The following ADAMTSL1 variants were observed in gnomAD, a reference collection of about 807,000 sequenced individuals.
ADAMTSL1 encodes the protein ADAMTS-like protein 1.
ADAMTSL1 carries 126 observed loss-of-function variants against 201.8 expected under a neutral mutation model. That is an observed-to-expected ratio of 0.62 (90% CI 0.54 to 0.72). ADAMTSL1 has a LOEUF of 0.72. Among genes scored for constraint, ADAMTSL1 ranks in the 30% least tolerant of loss-of-function variants. The probability of loss-of-function intolerance (pLI) is 0.00; values close to 1 mark genes in which losing one functional copy is unlikely to be tolerated. For missense variants in ADAMTSL1, 2,679 were observed against 2,277.8 expected (o/e 1.18, Z -3.59); for synonymous variants, 1,121 against 903.4 (o/e 1.24, Z -4.32).
chr9:18,593,839 T>A (rs973750555), intron 4 of ADAMTSL1, among the ~76,000 whole-genome samples: 5 of 152,132 alleles, frequency 3.3e-5, no homozygotes, highest in African/African-American at 1.2e-4. Flanking sequence ...ATATGGGCTG[T>A]CCTTGAGAAT....
intron 23 of ADAMTSL1, among the ~76,000 whole-genome samples, chr9:18,877,350 G>A (rs1288579604): frequency 6.6e-6 from 1 of 152,112 alleles, no homozygotes; most frequent in Non-Finnish European, 1.5e-5. Flanking sequence ...CTTTTCATTT[G>A]GGTAGACTAT....
intron 1 of ADAMTSL1, among the ~76,000 whole-genome samples, chr9:18,009,537 T>C (rs1819967925): frequency 6.6e-6 from 1 of 152,072 alleles, no homozygotes; most frequent in African/African-American, 2.4e-5. Context: ...AGAGATTATT[T>C]ATGGTGAAGA....
chr9:18,588,785 C>T (rs1235879567), intron 4 of ADAMTSL1, among the ~76,000 whole-genome samples: 1 of 147,790 alleles, frequency 6.8e-6, no homozygotes, highest in African/African-American at 2.5e-5. Flanking sequence ...GGATTTATTT[C>T]TGGGTTCTCT....
chr9:18,854,162 A>G (rs1231050621), intron 23 of ADAMTSL1, among the ~76,000 whole-genome samples: 3 of 152,158 alleles, frequency 2.0e-5, no homozygotes, highest in African/African-American at 7.2e-5. Flanking sequence ...GAGAATCACT[A>G]TGCAGCTTCT....
intron 26 of ADAMTSL1, among the ~76,000 whole-genome samples, chr9:18,904,633 CAAAAAAAAAAAAAAAAAA>C (rs71333072): frequency 5.3e-4 from 8 of 15,006 alleles, no homozygotes; most frequent in East Asian, 2.9e-3. Context: ...GACCCTGCCT[CAAAAAAAAAAAAAAAAAA>C]AAAAAAAAAA....
rs1393886867 is a variant in ADAMTSL1, at chr9:18,910,404, A to T, written c.*1856A>T. 1.3e-5 allele frequency: 2 copies of T among 149,336 alleles called. No homozygotes were observed. Among genetic ancestry groups the T allele is most frequent in the Non-Finnish European group, 3.0e-5 (2 of 67,206 alleles). 9.3% of individuals were successfully genotyped at this position (149,336 alleles called of 1,614,324 possible). A position where few individuals can be genotyped will look rare whatever the true frequency, so the allele number is the denominator to read the frequency against. On this transcript the variant is annotated 3_prime_UTR_variant, in exon 29 of 29. Transcript: ENST00000380548. ...ACAAAACTATTGGGGGGACTTTATT[A>T]ACTAACTTCCTGCAGTTGTGTTCCT... is the stretch of plus-strand genomic sequence containing the variant.
intron 7 of ADAMTSL1, among the ~76,000 whole-genome samples, chr9:18,654,692 A>T (rs572020222): frequency 1.7e-5 from 2 of 119,104 alleles, no homozygotes; most frequent in East Asian, 3.9e-4. Context: ...AAATAGTCTT[A>T]ACAGCAGTTC....
At chr9:18,553,052 TTTAC>T (rs1284839826) in intron 3 of ADAMTSL1, among the ~76,000 whole-genome samples, 1 of 151,624 alleles carries the variant, frequency 6.6e-6, no homozygotes, top group Non-Finnish European at 1.5e-5. Flanking sequence ...ATTTTTAATT[TTTAC>T]TTTTATAATA....
chr9:17,958,109 T>A (rs773733655), intron 1 of ADAMTSL1, among the ~76,000 whole-genome samples: 3 of 152,196 alleles, frequency 2.0e-5, no homozygotes, highest in Non-Finnish European at 2.9e-5. Context: ...AAATGTCTCT[T>A]CTTTACTTCT....
chr9:18,112,859 T>C (rs1464363119), intron 1 of ADAMTSL1, among the ~76,000 whole-genome samples: 3 of 152,152 alleles, frequency 2.0e-5, no homozygotes, highest in African/African-American at 7.2e-5. Flanking sequence ...GCTTAATACC[T>C]ATTAGTTGAA....
chr9:18,467,952 G>A (rs1476983788), intron 2 of ADAMTSL1, among the ~76,000 whole-genome samples: 1 of 152,162 alleles, frequency 6.6e-6, no homozygotes, highest in African/African-American at 2.4e-5. Flanking sequence ...ATCTGTGGAG[G>A]ATGATGTCAT....
chr9:18,402,457 T>C (rs1023116108), intron 2 of ADAMTSL1, among the ~76,000 whole-genome samples: 4 of 152,198 alleles, frequency 2.6e-5, no homozygotes, highest in Admixed American at 6.5e-5. Flanking sequence ...CCTTCATTCC[T>C]GGTCTAAATC....
At chr9:18,348,679 C>T (rs1835830493) in intron 2 of ADAMTSL1, among the ~76,000 whole-genome samples, 4 of 152,110 alleles carry the variant, frequency 2.6e-5, no homozygotes, top group Admixed American at 2.6e-4. Flanking sequence ...ATAGAGTTGT[C>T]AGATGCTTCA....
chr9:18,107,872 C>T (rs1207569842), intron 1 of ADAMTSL1, among the ~76,000 whole-genome samples: 3 of 152,104 alleles, frequency 2.0e-5, no homozygotes, highest in East Asian at 3.9e-4. Flanking sequence ...AAGTCAGTCA[C>T]GACCAGCATT....
intron 1 of ADAMTSL1, among the ~76,000 whole-genome samples, chr9:17,972,920 A>T (rs905605960): frequency 2.0e-5 from 3 of 149,594 alleles, no homozygotes; most frequent in Non-Finnish European, 3.0e-5. Flanking sequence ...GCCAGTGATG[A>T]TGGGCATTTT....
intron 23 of ADAMTSL1, among the ~76,000 whole-genome samples, chr9:18,877,485 T>G (rs191131948): frequency 3.9e-5 from 6 of 152,216 alleles, no homozygotes; most frequent in Admixed American, 3.3e-4. Flanking sequence ...TGAACTGCAG[T>G]GATAGTTATT....
At chr9:18,491,265 C>T (rs1189046502) in intron 1 of ADAMTSL1, among the ~76,000 whole-genome samples, 1 of 152,144 alleles carries the variant, frequency 6.6e-6, no homozygotes, top group Non-Finnish European at 1.5e-5. Context: ...TTTCTGTGGC[C>T]AAGATCCATT....
intron 3 of ADAMTSL1, among the ~76,000 whole-genome samples, chr9:18,562,064 A>T (rs1455579056): frequency 6.6e-6 from 1 of 152,182 alleles, no homozygotes; most frequent in African/African-American, 2.4e-5. Context: ...TCCTGTCATT[A>T]TGATGCCAGC....
chr9:18,381,483 A>G (rs1285640944), intron 2 of ADAMTSL1, among the ~76,000 whole-genome samples: 4 of 152,188 alleles, frequency 2.6e-5, no homozygotes, highest in African/African-American at 9.6e-5. Flanking sequence ...CATTATGCCT[A>G]TTTTAGAATA....
Sources: gnomAD v4.1 joint callset for allele counts (sites outside exome capture counted in the v4.1 genomes callset) on GRCh38, gnomAD v4.1.1 for gene constraint, MANE v1.5 for transcripts, NCBI Gene and HGNC (gene_info 2026-07-23, HGNC 2026-07-21) for gene names.